DNAJC16: variants seen among roughly 807,000 people sequenced by gnomAD.
The protein encoded by DNAJC16 is DnaJ heat shock protein family (Hsp40) member C16, also known as dnaJ homolog subfamily C member 16.
DNAJC16 carries 76 observed loss-of-function variants against 92.7 expected under a neutral mutation model. The observed-to-expected ratio is 0.82, with a 90% confidence interval of 0.68 to 0.99. DNAJC16 has a LOEUF of 0.99. Among genes scored for constraint, DNAJC16 ranks in the 50% least tolerant of loss-of-function variants. The pLI is 0.00. For missense variants in DNAJC16, 869 were observed against 942.4 expected (o/e 0.92, Z 1.02); for synonymous variants, 328 against 358.7 (o/e 0.91, Z 0.97).
At position 15,559,600 on chromosome 1, in the gene DNAJC16, C is replaced by A. The variant is rs757327581; in HGVS notation, c.1098C>A (p.Thr366=). 4 of 1,614,144 alleles carry A rather than the reference C, an allele frequency of 2.5e-6. No homozygotes were observed. Among genetic ancestry groups the A allele is most frequent in the Non-Finnish European group, 3.4e-6 (4 of 1,180,020 alleles). The change falls in exon 8 of 15, where the codon ACC becomes ACA. Residue 366 remains threonine (T), a synonymous_variant. Coordinates refer to ENST00000375847, the MANE Select transcript of DNAJC16 (RefSeq NM_015291.4). The part of the protein sequence containing the change: ...RNKYLLAARL[T]SQKLFHELCP... ...AATATCTATTGGCAGCCAGGCTCAC[C>A]AGCCAGAAGTTGTTCCATGAACTCT...
At chr1:15,563,663 T>TA (rs57751838) in intron 9 of DNAJC16, among the ~76,000 whole-genome samples, 9,890 of 52,960 alleles carry the variant, frequency 0.19, 1,107 homozygotes, top group Non-Finnish European at 0.21. Context: ...CCATCTCTAC[T>TA]AAAAAAAAAA....
At chr1:15,542,913 T>C (rs1269530879) in intron 4 of DNAJC16, among the ~76,000 whole-genome samples, 1 of 152,174 alleles carries the variant, frequency 6.6e-6, no homozygotes, top group Non-Finnish European at 1.5e-5. Flanking sequence ...CTGGGCAACA[T>C]AGTGAGACCC....
In DNAJC16 at chr1:15,568,614, C is replaced by A. The variant is rs1570935143; in HGVS notation, c.*437C>A. ...AATCCCGGCCCTGCTGTGCTGCTGCCATGGCGCATGCTCCTAACTCTGAAC... is the reference window on the plus strand; with the variant it reads ...AATCCCGGCCCTGCTGTGCTGCTGCAATGGCGCATGCTCCTAACTCTGAAC... On this transcript the variant is annotated 3_prime_UTR_variant, in exon 15 of 15. Coordinates refer to ENST00000375847, the MANE Select transcript of DNAJC16 (RefSeq NM_015291.4). 12 of 405,636 alleles carry A rather than the reference C, an allele frequency of 3.0e-5. No homozygotes were observed. The East Asian group carries it at 4.2e-4, about 14-fold the overall frequency. 25.1% of individuals were successfully genotyped at this position (405,636 alleles called of 1,614,324 possible). A position where few individuals can be genotyped will look rare whatever the true frequency, so the allele number is the denominator to read the frequency against.
chr1:15,548,245 C>G lies in DNAJC16; in HGVS notation c.865-25C>G, dbSNP rs117369716. The G allele has an allele frequency of 6.7e-4, 1,070 of 1,606,406 alleles. 13 individuals are homozygous for G. In the East Asian group the frequency reaches 0.021, roughly 31 times the overall value. ...TACATCTTTGCTGTAGTTTTATTTT[C>G]TTCCTCTCTATTATGCCCTAACAGT... On this transcript the variant is annotated intron_variant, in intron 6 of 14. Coordinates refer to ENST00000375847, the MANE Select transcript of DNAJC16 (RefSeq NM_015291.4).
At chr1:15,545,023 C>A (rs1319108116) in intron 5 of DNAJC16, among the ~76,000 whole-genome samples, 2 of 152,066 alleles carry the variant, frequency 1.3e-5, no homozygotes, top group African/African-American at 4.8e-5. Flanking sequence ...TGGAAAATGC[C>A]AGATTCCATG....
chr1:15,570,641 A>G lies in DNAJC16; in HGVS notation c.*2464A>G, dbSNP rs954986012. 2 of 152,238 alleles carry G rather than the reference A, an allele frequency of 1.3e-5. No individual in the cohort carries two copies. Among genetic ancestry groups the G allele is most frequent in the South Asian group, 4.1e-4 (2 of 4,838 alleles). 9.4% of individuals were successfully genotyped at this position (152,238 alleles called of 1,614,324 possible). A position where few individuals can be genotyped will look rare whatever the true frequency, so the allele number is the denominator to read the frequency against. ...ATGGGATTGGCAATGTTCCTGGCAG[A>G]TGTTTCAGCCCAAAAGCTCTTCTAC... On this transcript the variant is annotated 3_prime_UTR_variant, in exon 15 of 15. Transcript: ENST00000375847.
At chr1:15,559,322 G>A (rs537802379) in intron 7 of DNAJC16, among the ~76,000 whole-genome samples, 14 of 152,244 alleles carry the variant, frequency 9.2e-5, no homozygotes, top group South Asian at 6.2e-4. Flanking sequence ...CCTTTGACCC[G>A]AAATAGCTGC....
intron 4 of DNAJC16, among the ~76,000 whole-genome samples, chr1:15,537,399 A>G (rs1185012293): frequency 6.6e-6 from 1 of 152,228 alleles, no homozygotes; most frequent in Non-Finnish European, 1.5e-5. Context: ...AACTAGCACC[A>G]TCCCTGACCT....
intron 5 of DNAJC16, among the ~76,000 whole-genome samples, chr1:15,545,969 A>G (rs1638292792): frequency 6.6e-6 from 1 of 152,198 alleles, no homozygotes; most frequent in South Asian, 2.1e-4. Flanking sequence ...TATATAATGT[A>G]TAGAGGGGGT....
At chr1:15,562,074 C>G in intron 8 of DNAJC16, 68 bp from the exon 9 acceptor site, 1 of 1,492,434 alleles carries the variant, frequency 6.7e-7, no homozygotes, top group Non-Finnish European at 9.1e-7. Context: ...TTCACCTTCA[C>G]TTGCCATTAT....
At position 15,532,962 on chromosome 1, in the gene DNAJC16, T is replaced by C. The variant is rs113294506; in HGVS notation, c.168-1275T>C. 1.9e-3 allele frequency among the ~76,000 whole-genome samples: 292 copies of C among 152,344 alleles called. 1 individual carries two copies. The highest frequency in any genetic ancestry group is 6.7e-3 in the African/African-American group (279 of 41,582). ...TAAATCCATTAAGTTGTAGATTTTT[T>C]TTTATTCCAATGTGCTTGGTGTATC... On this transcript the variant is annotated intron_variant, in intron 2 of 14. Coordinates refer to ENST00000375847, the MANE Select transcript of DNAJC16 (RefSeq NM_015291.4).
chr1:15,552,701 A>G (rs1467856930), intron 7 of DNAJC16, among the ~76,000 whole-genome samples: 3 of 150,694 alleles, frequency 2.0e-5, no homozygotes. Flanking sequence ...TCTCATTTGT[A>G]TATGAACCTT....
chr1:15,564,142 C>T (rs1319219869), intron 10 of DNAJC16, 31 bp downstream of exon 10: 2 of 1,611,856 alleles, frequency 1.2e-6, no homozygotes, highest in Admixed American at 3.3e-5. Context: ...GGGTGGGACA[C>T]CAGGAGGGCT....
chr1:15,554,080 G>A (rs1016866406), intron 7 of DNAJC16, among the ~76,000 whole-genome samples: 2 of 152,144 alleles, frequency 1.3e-5, no homozygotes, highest in African/African-American at 2.4e-5. Context: ...GTACACACCT[G>A]AAGTTCCAGC....
intron 7 of DNAJC16, among the ~76,000 whole-genome samples, chr1:15,553,195 C>T (rs776611877): frequency 1.3e-5 from 2 of 151,632 alleles, no homozygotes; most frequent in African/African-American, 4.8e-5. Flanking sequence ...TGTTTATCTC[C>T]GTGGCAAATA....
chr1:15,570,070 C>T lies in DNAJC16; in HGVS notation c.*1893C>T, dbSNP rs2103432324. On this transcript the variant is annotated 3_prime_UTR_variant, in exon 15 of 15. Coordinates refer to ENST00000375847, the MANE Select transcript of DNAJC16 (RefSeq NM_015291.4). ...TAAGGCCAGGAATTCCTGTAGTTTT[C>T]ATGGAGTCTGTAGCTTTATTAAAAA... 1 of 152,712 alleles carries T rather than the reference C, an allele frequency of 6.5e-6. No individual in the cohort carries two copies. The highest frequency in any genetic ancestry group is 2.1e-4 in the South Asian group (1 of 4,824). The allele number at this position is 152,712 out of a possible 1,614,324, so 9.5% of individuals were successfully genotyped here.
At chr1:15,535,798 G>A (rs1420371416) in intron 3 of DNAJC16, among the ~76,000 whole-genome samples, 1 of 151,812 alleles carries the variant, frequency 6.6e-6, no homozygotes, top group East Asian at 2.0e-4. Context: ...GTCTGTCTCT[G>A]TCACCCAGGC....
chr1:15,533,014 A>G (rs1260773355), intron 2 of DNAJC16, among the ~76,000 whole-genome samples: 1 of 152,124 alleles, frequency 6.6e-6, no homozygotes, highest in Non-Finnish European at 1.5e-5. Flanking sequence ...TTCCCAGTGA[A>G]TTGTTTTTCT....
At chr1:15,562,822 A>C (rs1638720038) in intron 9 of DNAJC16, among the ~76,000 whole-genome samples, 1 of 151,416 alleles carries the variant, frequency 6.6e-6, no homozygotes, top group South Asian at 2.1e-4. Context: ...TGGTCTTTTT[A>C]CATTCTGGAT....
Sources: allele counts gnomAD v4.1 joint callset (sites outside exome capture counted in the v4.1 genomes callset), GRCh38; gene constraint gnomAD v4.1.1; transcripts MANE v1.5; gene names NCBI Gene and HGNC (gene_info 2026-07-23, HGNC 2026-07-21).